The following SHPRH variants were observed in gnomAD, a reference collection of about 807,000 sequenced individuals.
SHPRH encodes the protein SNF2 histone linker PHD RING helicase.
A neutral mutation model predicts 202.5 loss-of-function variants in SHPRH; 106 were observed. The ratio of observed to expected loss-of-function variants is 0.52; its 90% CI spans 0.45 to 0.62. The LOEUF is 0.62. SHPRH is among the 20% of genes least tolerant of loss of function. The pLI is 0.00. For synonymous variants in SHPRH, 729 were observed against 686.0 expected, an observed-to-expected ratio of 1.06 and a Z score of -0.98; for missense variants, 1,710 against 2,020.0, an observed-to-expected ratio of 0.85 and a Z score of 2.94.
chr6:145,880,100 T>A (rs549564710), downstream of SHPRH, among the ~76,000 whole-genome samples: 4 of 152,212 alleles, frequency 2.6e-5, no homozygotes, highest in African/African-American at 9.6e-5. Context: ...TTTCTCAATG[T>A]TTAGGTTTCT....
In SHPRH at chr6:145,950,175, T is replaced by G. The variant is rs997439790; in HGVS notation, c.982+89A>C. 4.8e-6 allele frequency: 5 copies of G among 1,042,226 alleles called. No homozygotes were observed. In the African/African-American group the frequency reaches 8.0e-5, roughly 17 times the overall value. The allele number at this position is 1,042,226 out of a possible 1,614,324, so 64.6% of individuals were successfully genotyped here. ...TTCTATCTTATATTTTCAGGATGTT[T>G]ATTTTAATGATCAATTTCACCCTGC... On this transcript the variant is annotated intron_variant, in intron 4 of 29. Transcript: ENST00000275233.
chr6:145,919,138 G>C, intron 22 of SHPRH: 1 of 543,106 alleles, frequency 1.8e-6, no homozygotes, highest in Non-Finnish European at 3.1e-6. Context: ...CCCCAAAATA[G>C]TGAACACTAA....
intron 23 of SHPRH, among the ~76,000 whole-genome samples, chr6:145,913,820 A>C (rs1783706882): frequency 1.3e-5 from 2 of 152,152 alleles, no homozygotes. Context: ...GAAATCTGAA[A>C]TGCTCCAAAA....
At position 145,886,584 on chromosome 6, in the gene SHPRH, G is replaced by T; in HGVS notation, c.*107C>A. ...AACAATAAACAAATTCATTCAACTA[G>T]GAACAGTGTTACTGTTATCTACTGG... On this transcript the variant is annotated 3_prime_UTR_variant, in exon 30 of 30. Coordinates refer to ENST00000275233, the MANE Select transcript of SHPRH (RefSeq NM_001042683.3). 1 of 1,518,074 alleles carries T rather than the reference G, an allele frequency of 6.6e-7. No homozygotes were observed. Among genetic ancestry groups the T allele is most frequent in the Non-Finnish European group, 8.8e-7 (1 of 1,130,088 alleles). 94.0% of individuals were successfully genotyped at this position (1,518,074 alleles called of 1,614,324 possible).
chr6:145,961,575 T>C (rs1368635550), intron 1 of SHPRH, among the ~76,000 whole-genome samples: 1 of 152,242 alleles, frequency 6.6e-6, no homozygotes, highest in African/African-American at 2.4e-5. Flanking sequence ...ACTTCAACTA[T>C]TTATTCTGTT....
At chr6:145,900,038 T>C (rs527418671) in intron 25 of SHPRH, among the ~76,000 whole-genome samples, 1 of 152,250 alleles carries the variant, frequency 6.6e-6, no homozygotes, top group South Asian at 2.1e-4. Flanking sequence ...AAGGAAACCC[T>C]TGTACACCAT....
At chr6:145,894,111 T>C (rs1331408096) in intron 27 of SHPRH, 39 bp downstream of exon 27, 1 of 1,501,046 alleles carries the variant, frequency 6.7e-7, no homozygotes, top group Admixed American at 2.0e-5. Context: ...AATTTGCAAC[T>C]GTATCCACTA....
chr6:145,932,925 TA>T, intron 14 of SHPRH, 131 bp downstream of exon 14: 1 of 1,005,706 alleles, frequency 9.9e-7, no homozygotes, highest in South Asian at 2.0e-5. Context: ...ATTTAAACTA[TA>T]TTCAGTAGTG....
chr6:145,933,311 G>T, intron 13 of SHPRH, 133 bp from the exon 14 acceptor site: 1 of 1,316,028 alleles, frequency 7.6e-7, no homozygotes, highest in Non-Finnish European at 1.0e-6. Context: ...ATTTTTTTTC[G>T]CCTCAATTTT....
chr6:145,910,713 C>T, intron 24 of SHPRH, 77 bp from the exon 25 acceptor site: 2 of 1,322,692 alleles, frequency 1.5e-6, no homozygotes, highest in Non-Finnish European at 2.0e-6. Context: ...AAGAGATTCG[C>T]AATTTTTCCT....
chr6:145,927,228 C>T lies in SHPRH; in HGVS notation c.3162G>A (p.Ser1054=), dbSNP rs957773667. 2.5e-6 allele frequency: 4 copies of T among 1,611,988 alleles called. No individual in the cohort carries two copies. Among genetic ancestry groups the T allele is most frequent in the Non-Finnish European group, 2.5e-6 (3 of 1,178,834 alleles). Residue 1054 remains serine (S), a synonymous_variant, in exon 15 of 30, where the codon TCG becomes TCA. Transcript: ENST00000275233. ...TTTTGAGTTTTCCTTTGTGTTCCTC[C>T]GAGGAGCGCAACACTTCTCTGTACA... ...AELYREVLRS[S]EEHKGKLKTD...
chr6:145,923,285 G>A (rs1040453038), intron 18 of SHPRH, among the ~76,000 whole-genome samples: 3 of 151,256 alleles, frequency 2.0e-5, no homozygotes, highest in East Asian at 1.9e-4. Flanking sequence ...ATATATATAT[G>A]TATATATACT....
chr6:145,945,699 T>C (rs766885601), intron 7 of SHPRH, 62 bp from the exon 8 acceptor site: 3 of 1,484,594 alleles, frequency 2.0e-6, no homozygotes, highest in East Asian at 4.7e-5. Flanking sequence ...AAGTAAAACT[T>C]GGTTAATCTT....
chr6:145,912,090 A>C (rs1438285573), intron 24 of SHPRH, among the ~76,000 whole-genome samples: 1 of 149,254 alleles, frequency 6.7e-6, no homozygotes, highest in East Asian at 1.9e-4. Context: ...ATGGAGAAGA[A>C]GCAACGAGAT....
chr6:145,924,619 T>C (rs1312549210), intron 17 of SHPRH, 120 bp downstream of exon 17: 4 of 701,334 alleles, frequency 5.7e-6, no homozygotes, highest in Admixed American at 2.5e-5. Flanking sequence ...TCAGGCAATG[T>C]GCTAGGTGCT....
intron 11 of SHPRH, among the ~76,000 whole-genome samples, chr6:145,938,660 T>C (rs1786383884): frequency 6.6e-6 from 1 of 152,206 alleles, no homozygotes; most frequent in Non-Finnish European, 1.5e-5. Flanking sequence ...AAATCCTTTG[T>C]ATACTTCATC....
chr6:145,937,276 C>T (rs1328964546), intron 11 of SHPRH, among the ~76,000 whole-genome samples: 1 of 152,044 alleles, frequency 6.6e-6, no homozygotes, highest in African/African-American at 2.4e-5. Flanking sequence ...GAGCCACTGG[C>T]CCATGCTTCT....
intron 2 of SHPRH, 51 bp downstream of exon 2, chr6:145,954,639 G>A (rs906123758): frequency 8.0e-6 from 12 of 1,506,544 alleles, no homozygotes; most frequent in African/African-American, 1.4e-5. Flanking sequence ...TTTAAAATTG[G>A]ACTGCCAATG....
At chr6:145,879,080 T>A (rs1382482197) in intron 2 of SHPRH, among the ~76,000 whole-genome samples, 4 of 152,188 alleles carry the variant, frequency 2.6e-5, no homozygotes, top group African/African-American at 9.6e-5. Flanking sequence ...ATTAGTCATT[T>A]CTCAGTGCTT....
Sources: allele counts gnomAD v4.1 joint callset (sites outside exome capture counted in the v4.1 genomes callset), GRCh38; gene constraint gnomAD v4.1.1; transcripts MANE v1.5; gene names NCBI Gene and HGNC (gene_info 2026-07-23, HGNC 2026-07-21).